The following KSR1 variants were observed in gnomAD, a reference collection of about 807,000 sequenced individuals.
KSR1 encodes kinase suppressor of ras.
Under a neutral mutation model 92.9 loss-of-function variants are expected in KSR1, and 35 were observed. That is an observed-to-expected ratio of 0.38 (90% CI 0.29 to 0.50). The LOEUF (loss-of-function observed/expected upper bound fraction) is 0.50. Ranked by LOEUF, KSR1 falls within the 20% of genes least tolerant of loss-of-function variation. The pLI is 0.94. For synonymous variants in KSR1, 467 were observed against 472.6 expected (o/e 0.99, Z 0.15); for missense variants, 972 against 1,158.5 (o/e 0.84, Z 2.34).
intron 2 of KSR1, among the ~76,000 whole-genome samples, chr17:27,563,048 C>G (rs2071897345): frequency 6.6e-6 from 1 of 152,192 alleles, no homozygotes; most frequent in Non-Finnish European, 1.5e-5. Flanking sequence ...CCTACTGGCT[C>G]TATGTCCAAG....
At chr17:27,537,671 C>T (rs973781595) in intron 1 of KSR1, among the ~76,000 whole-genome samples, 36 of 152,278 alleles carry the variant, frequency 2.4e-4, no homozygotes, top group African/African-American at 7.0e-4. Flanking sequence ...GCCTGGGCAA[C>T]AAGAACGAAA....
chr17:27,607,997 A>G lies in KSR1; in HGVS notation c.2078A>G (p.Gln693Arg). 6.2e-7 allele frequency: 1 copy of G among 1,607,846 alleles called. No individual in the cohort carries two copies. Among genetic ancestry groups the G allele is most frequent in the Non-Finnish European group, 8.5e-7 (1 of 1,176,990 alleles). The change falls in exon 15 of 21, where the codon CAG (glutamine) becomes CGG (arginine). Residue 693 changes from glutamine (Q) to arginine (R), a missense_variant. By Grantham distance (43) the Gln-to-Arg change is conservative. Coordinates refer to ENST00000644974, the MANE Select transcript of KSR1 (RefSeq NM_001394583.1). ...LDINKTRQIAQEIIKGMGYLH... is the reference protein window; with the variant it reads ...LDINKTRQIAREIIKGMGYLH... ...ATCAACAAGACGAGGCAAATCGCTCAGGAGATCATCAAGGTGAGGGGGTGC... is the reference window on the plus strand; with the variant it reads ...ATCAACAAGACGAGGCAAATCGCTCGGGAGATCATCAAGGTGAGGGGGTGC...
chr17:27,563,710 G>A (rs2071929967), intron 2 of KSR1, among the ~76,000 whole-genome samples: 1 of 152,232 alleles, frequency 6.6e-6, no homozygotes, highest in Non-Finnish European at 1.5e-5. Context: ...ACTGGCAGGA[G>A]AACGCATCAG....
chr17:27,485,509 G>T (rs372637127), intron 1 of KSR1, among the ~76,000 whole-genome samples: 1 of 152,210 alleles, frequency 6.6e-6, no homozygotes, highest in African/African-American at 2.4e-5. Flanking sequence ...GGGACACAGG[G>T]CTATGTCTTT....
At chr17:27,490,688 A>T (rs1185917154) in intron 1 of KSR1, among the ~76,000 whole-genome samples, 1 of 152,196 alleles carries the variant, frequency 6.6e-6, no homozygotes, top group Non-Finnish European at 1.5e-5. Flanking sequence ...GCCTTTTTGG[A>T]CGGTAATTGA....
At chr17:27,600,859 A>G (rs1461133723) in intron 10 of KSR1, among the ~76,000 whole-genome samples, 1 of 152,144 alleles carries the variant, frequency 6.6e-6, no homozygotes, top group Non-Finnish European at 1.5e-5. Context: ...GGCAGAATTG[A>G]GGTTGGAACA....
At chr17:27,463,111 T>C (rs1475216856) in intron 1 of KSR1, among the ~76,000 whole-genome samples, 3 of 152,250 alleles carry the variant, frequency 2.0e-5, no homozygotes, top group Non-Finnish European at 4.4e-5. Context: ...GTCTTTAATA[T>C]CTTTATGGCA....
Position 27,590,811 on chromosome 17 carries a change from G to A in KSR1, c.1047G>A (p.Arg349=). ...ATGTGCCTGTGTCCGCCCTCTGCAG[G>A]TTCTCCACCAAGTCCTGGCTGTCGC... The part of the protein sequence containing the change: ...RRDIGLSVTH[R]FSTKSWLSQV... Residue 349 remains arginine (R), a splice_region_variant and synonymous_variant, in exon 7 of 21, where the codon AGG becomes AGA. Coordinates refer to ENST00000644974, the MANE Select transcript of KSR1 (RefSeq NM_001394583.1). 1.2e-6 allele frequency: 2 copies of A among 1,609,588 alleles called. No homozygotes were observed. The highest frequency in any genetic ancestry group is 1.7e-6 in the Non-Finnish European group (2 of 1,178,138).
rs2072988016 is a variant in KSR1, at chr17:27,586,850, G to A, written c.985+1189G>A. Among the ~76,000 whole-genome samples the A allele has an allele frequency of 2.0e-5, 3 of 152,240 alleles. No individual in the cohort carries two copies. In the South Asian group the frequency reaches 6.2e-4, roughly 32 times the overall value. On this transcript the variant is annotated intron_variant, in intron 5 of 20. Transcript: ENST00000644974. ...TCTGTTTCTCCTAGGCTGGTAGCTG[G>A]CACCTTTGGCCCCATGTGTTTTTTA...
chr17:27,508,440 A>T (rs930760883), intron 1 of KSR1, among the ~76,000 whole-genome samples: 5 of 152,304 alleles, frequency 3.3e-5, no homozygotes, highest in Non-Finnish European at 5.9e-5. Context: ...CAAGGGCCTA[A>T]GTTGTAACAT....
chr17:27,569,397 A>G (rs1406035321), intron 2 of KSR1, among the ~76,000 whole-genome samples: 4 of 152,224 alleles, frequency 2.6e-5, no homozygotes, highest in Non-Finnish European at 1.5e-5. Flanking sequence ...TGTGCCCGCA[A>G]GCCTGTCCTG....
chr17:27,468,509 G>A lies in KSR1; in HGVS notation c.231+11635G>A, dbSNP rs746381261. ...CTCCCAAAGTGCTGGGATTACAGGC[G>A]TGAGCCACCGTGCCTGGCCTGTGGC... On this transcript the variant is annotated intron_variant, in intron 1 of 20. Transcript: ENST00000644974. Among the ~76,000 whole-genome samples the A allele has an allele frequency of 2.7e-4, 41 of 152,306 alleles. 1 individual carries two copies. The South Asian group carries it at 3.1e-3, about 12-fold the overall frequency.
chr17:27,567,241 G>A (rs755495422), intron 2 of KSR1, among the ~76,000 whole-genome samples: 9 of 152,146 alleles, frequency 5.9e-5, no homozygotes, highest in Admixed American at 1.3e-4. Flanking sequence ...GGACCTGGGC[G>A]TTAGGGTGTC....
At position 27,608,073 on chromosome 17, in the gene KSR1, C is replaced by T. The variant is rs1020807021; in HGVS notation, c.2091+63C>T. ...CCGGTTCCAGGGCTCTCGGCTGTTC[C>T]TCTCGCCCTGTTACTCCCTGTTAGG... On this transcript the variant is annotated intron_variant, in intron 15 of 20. Transcript: ENST00000644974. 3.3e-5 allele frequency: 41 copies of T among 1,227,506 alleles called. No homozygotes were observed. In the Admixed American group the frequency reaches 8.0e-4, roughly 24 times the overall value. 76.0% of individuals were successfully genotyped at this position (1,227,506 alleles called of 1,614,324 possible). A position where few individuals can be genotyped will look rare whatever the true frequency, so the allele number is the denominator to read the frequency against.
intron 1 of KSR1, among the ~76,000 whole-genome samples, chr17:27,483,391 C>T (rs1184742326): frequency 1.3e-5 from 2 of 151,992 alleles, no homozygotes; most frequent in Admixed American, 6.6e-5. Context: ...AGTTCGAGAC[C>T]AGCCTGATCA....
chr17:27,462,614 A>G (rs534939284), intron 1 of KSR1, among the ~76,000 whole-genome samples: 1 of 152,304 alleles, frequency 6.6e-6, no homozygotes, highest in African/African-American at 2.4e-5. Flanking sequence ...TAATTTTTTA[A>G]ATGGCTACCT....
intron 1 of KSR1, among the ~76,000 whole-genome samples, chr17:27,478,981 C>G (rs1028328170): frequency 1.3e-5 from 2 of 151,216 alleles, no homozygotes; most frequent in East Asian, 2.0e-4. Context: ...CTTCCATGCT[C>G]CTCCCTACGT....
At chr17:27,542,621 G>A (rs2071007146) in intron 1 of KSR1, among the ~76,000 whole-genome samples, 1 of 152,166 alleles carries the variant, frequency 6.6e-6, no homozygotes, top group African/African-American at 2.4e-5. Flanking sequence ...CTGGAAAGAG[G>A]TGTTTTTTGC....
intron 2 of KSR1, among the ~76,000 whole-genome samples, chr17:27,575,829 A>G (rs992027901): frequency 1.3e-5 from 2 of 152,146 alleles, no homozygotes; most frequent in African/African-American, 4.8e-5. Flanking sequence ...TTAGCAGCTT[A>G]ACACACCACC....
Sources: allele counts gnomAD v4.1 joint callset (sites outside exome capture counted in the v4.1 genomes callset), GRCh38; gene constraint gnomAD v4.1.1; transcripts MANE v1.5; gene names NCBI Gene and HGNC (gene_info 2026-07-23, HGNC 2026-07-21).